KIAA1614: variants seen among roughly 807,000 people sequenced by gnomAD.
KIAA1614 encodes the protein uncharacterized protein KIAA1614.
In KIAA1614, 76 loss-of-function variants were observed where a neutral mutation model predicts 88.7. The observed-to-expected ratio is 0.86, with a 90% CI of 0.71 to 1.04. The LOEUF is 1.04. Among genes scored for constraint, KIAA1614 ranks in the 50% least tolerant of loss-of-function variants. The pLI, the probability that KIAA1614 is intolerant of heterozygous loss-of-function variation, is 0.00. For missense variants in KIAA1614, 1,553 were observed against 1,582.5 expected, an observed-to-expected ratio of 0.98 and a Z score of 0.32; for synonymous variants, 714 against 675.5, an observed-to-expected ratio of 1.06 and a Z score of -0.88.
At chr1:180,942,167 G>C (rs374404759) in intron 7 of KIAA1614, among the ~76,000 whole-genome samples, 1 of 152,046 alleles carries the variant, frequency 6.6e-6, no homozygotes, top group African/African-American at 2.4e-5. Context: ...CCTCACTGGA[G>C]TGTGAGTTAT....
At position 180,916,221 on chromosome 1, in the gene KIAA1614, C is replaced by G; in HGVS notation, c.118C>G (p.Pro40Ala). The change falls in exon 2 of 9, where the codon CCT (proline) becomes GCT (alanine). Residue 40 changes from proline (P) to alanine (A), a missense_variant. Pro to Ala is a conservative substitution (Grantham distance 27). Coordinates refer to ENST00000367588, the MANE Select transcript of KIAA1614 (RefSeq NM_020950.2). Reference protein sequence around the residue: ...EGTSAVEWSGPEPQLDNGHPP... With the variant: ...EGTSAVEWSGAEPQLDNGHPP... Reference sequence around the variant, plus strand: ...GACCTCAGCTGTGGAGTGGAGTGGTCCTGAGCCACAGCTGGATAACGGACA... The same window carrying G: ...GACCTCAGCTGTGGAGTGGAGTGGTGCTGAGCCACAGCTGGATAACGGACA... 1 of 1,612,876 alleles carries G rather than the reference C, an allele frequency of 6.2e-7. No homozygotes were observed. The highest frequency in any genetic ancestry group is 1.1e-5 in the South Asian group (1 of 90,994).
In KIAA1614 at chr1:180,941,293, C is replaced by T. The variant is rs752592612; in HGVS notation, c.3159+8C>T. The T allele has an allele frequency of 6.3e-7, 1 of 1,597,596 alleles. No individual in the cohort carries two copies. The highest frequency in any genetic ancestry group is 8.6e-7 in the Non-Finnish European group (1 of 1,168,718). On this transcript the variant is annotated splice_region_variant and intron_variant, in intron 7 of 8. Transcript: ENST00000367588. ...TTACAATCCCTGCACCCGGTGAGTC[C>T]AGGGGCCCCAGCCCAGGGAGTGAAG...
rs536695660 is a variant in KIAA1614, at chr1:180,950,204, C to A, written c.*4616C>A. ...TGAGGGGTGTGTGTATGTGTGCATGCGCACAGAGAAGTGCCTGGTATGAGC... is the reference window on the plus strand; with the variant it reads ...TGAGGGGTGTGTGTATGTGTGCATGAGCACAGAGAAGTGCCTGGTATGAGC... On this transcript the variant is annotated 3_prime_UTR_variant, in exon 9 of 9. Coordinates refer to ENST00000367588, the MANE Select transcript of KIAA1614 (RefSeq NM_020950.2). The A allele has an allele frequency of 1.9e-4, 70 of 375,340 alleles. 3 individuals are homozygous for A. Among genetic ancestry groups the A allele is most frequent in the South Asian group, 3.0e-5 (1 of 33,240 alleles). The allele number at this position is 375,340 out of a possible 1,614,324, so 23.3% of individuals were successfully genotyped here.
At chr1:180,916,098 T>C (rs1653787602) in intron 1 of KIAA1614, 56 bp from the exon 2 acceptor site, 1 of 1,386,728 alleles carries the variant, frequency 7.2e-7, no homozygotes. Flanking sequence ...CCCCGGGAGG[T>C]TGTGGGGGTT....
Position 180,916,472 on chromosome 1 carries a change from AG to A in KIAA1614, c.372del (p.Arg125GlufsTer125). The stretch of plus-strand genomic sequence containing the variant: ...AACCCCAATGCAGACGAGGCAAGGC[AG>A]GGAGAGCCGGGACTCCATCAGAGGG... ...KKPQCRRGKA[G>X]RAGTPSEGSF... On this transcript the variant is annotated frameshift_variant, in exon 2 of 9. Coordinates refer to ENST00000367588, the MANE Select transcript of KIAA1614 (RefSeq NM_020950.2). LOFTEE classifies it high-confidence loss of function. 2 of 1,614,150 alleles carry A rather than the reference AG, an allele frequency of 1.2e-6. No homozygotes were observed. Among genetic ancestry groups the A allele is most frequent in the South Asian group, 2.2e-5 (2 of 91,074 alleles).
chr1:180,917,364 G>A (rs1653842694), intron 2 of KIAA1614, among the ~76,000 whole-genome samples: 1 of 152,264 alleles, frequency 6.6e-6, no homozygotes, highest in Middle Eastern at 3.4e-3. Flanking sequence ...GGGGTTAGAG[G>A]CCACTATGAT....
In KIAA1614 at chr1:180,945,790, G is replaced by A. The variant is rs1357453387; in HGVS notation, c.*202G>A. 2.2e-6 allele frequency: 3 copies of A among 1,349,172 alleles called. No individual in the cohort carries two copies. In the East Asian group the frequency reaches 9.3e-5, roughly 42 times the overall value. The allele number at this position is 1,349,172 out of a possible 1,614,324, so 83.6% of individuals were successfully genotyped here. A position where few individuals can be genotyped will look rare whatever the true frequency, so the allele number is the denominator to read the frequency against. ...GCAGGTTTGACTCCACTGTCCCCCT[G>A]CTGTCTGATGACATCTTGAAATTAG... On this transcript the variant is annotated 3_prime_UTR_variant, in exon 9 of 9. Transcript: ENST00000367588.
intron 6 of KIAA1614, among the ~76,000 whole-genome samples, chr1:180,940,415 A>G (rs1376615523): frequency 6.6e-6 from 1 of 152,080 alleles, no homozygotes; most frequent in Non-Finnish European, 1.5e-5. Context: ...GTGGGAGACT[A>G]GCTTGAACCT....
In KIAA1614 at chr1:180,913,183, C is replaced by G. The variant is rs1653697117; in HGVS notation, c.-61C>G. 8.3e-7 allele frequency: 1 copy of G among 1,206,282 alleles called. No homozygotes were observed. The highest frequency in any genetic ancestry group is 4.2e-5 in the Admixed American group (1 of 23,574). The allele number at this position is 1,206,282 out of a possible 1,614,324, so 74.7% of individuals were successfully genotyped here. On this transcript the variant is annotated 5_prime_UTR_variant, in exon 1 of 9. Transcript: ENST00000367588. The stretch of plus-strand genomic sequence containing the variant: ...GGATTCGGGGCTGGAAGTCCCTCCC[C>G]GAACCCAGCAGCTGGCCTGGGAGGG...
chr1:180,944,663 G>T lies in KIAA1614; in HGVS notation c.3287+147G>T, dbSNP rs149403577. 5.0e-4 allele frequency: 427 copies of T among 861,062 alleles called. 1 individual carries two copies. Among genetic ancestry groups the T allele is most frequent in the Non-Finnish European group, 6.2e-4 (367 of 589,226 alleles). The allele number at this position is 861,062 out of a possible 1,614,324, so 53.3% of individuals were successfully genotyped here. On this transcript the variant is annotated intron_variant, in intron 8 of 8. Coordinates refer to ENST00000367588, the MANE Select transcript of KIAA1614 (RefSeq NM_020950.2). The stretch of plus-strand genomic sequence containing the variant: ...AGGACATGTGATGTGTGGAGACGAG[G>T]CTGCCACGGGAGTCTCAGCACCTCA...
In KIAA1614 at chr1:180,935,908, C is replaced by T; in HGVS notation, c.1999C>T (p.Leu667Phe). ...GTGGTCCAAGAAGGCTGAGGCGGAG[C>T]TCCCTTGGGGCCTTCAGGCCCAGCA... ...HRWSKKAEAE[L>F]PWGLQAQQHL... The change falls in exon 5 of 9, where the codon CTC (leucine) becomes TTC (phenylalanine). Residue 667 changes from leucine to phenylalanine, a missense_variant. Physicochemically the swap from Leu to Phe is conservative, Grantham distance 22. Transcript: ENST00000367588. This position sits in a 1 kb window ranked among gnomAD's most constrained non-coding sequence, Gnocchi z 6.1. The T allele has an allele frequency of 4.3e-6, 7 of 1,613,982 alleles. No individual in the cohort carries two copies. The highest frequency in any genetic ancestry group is 5.9e-6 in the Non-Finnish European group (7 of 1,179,924).
In KIAA1614 at chr1:180,948,717, A is replaced by G. The variant is rs1436996348; in HGVS notation, c.*3129A>G. 7 of 152,248 alleles carry G rather than the reference A, an allele frequency of 4.6e-5. No homozygotes were observed. The highest frequency in any genetic ancestry group is 4.6e-4 in the Admixed American group (7 of 15,290). 9.4% of individuals were successfully genotyped at this position (152,248 alleles called of 1,614,324 possible). On this transcript the variant is annotated 3_prime_UTR_variant, in exon 9 of 9. Transcript: ENST00000367588. ...TGAAAGGTCCATCTAGAGGAGGTAA[A>G]AGACAGGGCTGAGGGAAAACGCCTT...
Position 180,936,408 on chromosome 1 carries a change from G to A in KIAA1614, c.2499G>A (p.Leu833=), listed in dbSNP as rs774972049. The A allele has an allele frequency of 2.0e-5, 32 of 1,614,206 alleles. No homozygotes were observed. The highest frequency in any genetic ancestry group is 2.6e-5 in the Non-Finnish European group (31 of 1,180,034). Residue 833 remains leucine, a synonymous_variant, in exon 5 of 9, where the codon CTG becomes CTA. Transcript: ENST00000367588. ...CAGCCCTGGCTGGACTGCTCAGGCT[G>A]GGTGACCAGACAGAGCCTGTGGGTA... ...RKAALAGLLR[L]GDQTEPVGIP... is the part of the protein sequence containing the mutation.
intron 3 of KIAA1614, among the ~76,000 whole-genome samples, chr1:180,918,152 C>G (rs530225878): frequency 6.6e-6 from 1 of 152,274 alleles, no homozygotes; most frequent in South Asian, 2.1e-4. Context: ...GGGAACAAAG[C>G]GCATTGCTAA....
intron 6 of KIAA1614, 39 bp from the exon 7 acceptor site, chr1:180,941,006 G>GGGCGGC: frequency 1.1e-6 from 1 of 908,444 alleles, no homozygotes; most frequent in Non-Finnish European, 1.5e-6. Flanking sequence ...CACCCTCCCG[G>GGGCGGC]CCCTCCCCCG....
rs760414190 is a variant in KIAA1614, at chr1:180,936,604, G to A, written c.2695G>A (p.Glu899Lys). ...GGAGCCCTACGGGGGAGCCGTCCAC[G>A]AGGGTAGGGTGGAGAGGGGCCCCTG... ...LQEPYGGAVH[E>K]GRVERGPCSR... The change falls in exon 5 of 9, where the codon GAG (glutamate) becomes AAG (lysine). Residue 899 changes from glutamate to lysine, a missense_variant. Glu to Lys is a moderately conservative substitution (Grantham distance 56, BLOSUM62 1). Coordinates refer to ENST00000367588, the MANE Select transcript of KIAA1614 (RefSeq NM_020950.2). The A allele has an allele frequency of 4.4e-6, 7 of 1,608,720 alleles. No individual in the cohort carries two copies. Among genetic ancestry groups the A allele is most frequent in the Non-Finnish European group, 5.1e-6 (6 of 1,178,324 alleles).
In KIAA1614 at chr1:180,935,561, G is replaced by A. The variant is rs146608925; in HGVS notation, c.1652G>A (p.Gly551Glu). The A allele has an allele frequency of 3.9e-3, 6,199 of 1,601,184 alleles. 197 individuals carry two copies. The Admixed American group carries it at 0.067, about 17-fold the overall frequency. ...ATCGACGACCCGCGCCCCGCCCAGGGGAAGGCGCCCCCCGTCCCCAGGACC... is the reference window on the plus strand; with the variant it reads ...ATCGACGACCCGCGCCCCGCCCAGGAGAAGGCGCCCCCCGTCCCCAGGACC... ...SCIDDPRPAQGKAPPVPRTLQ... is the reference protein window; with the variant it reads ...SCIDDPRPAQEKAPPVPRTLQ... Residue 551 changes from glycine (G) to glutamate (E), a missense_variant, in exon 5 of 9, where the codon GGG (glycine) becomes GAG (glutamate). Coordinates refer to ENST00000367588, the MANE Select transcript of KIAA1614 (RefSeq NM_020950.2). This position sits in a 1 kb window ranked among gnomAD's most constrained non-coding sequence, Gnocchi z 6.1.
intron 5 of KIAA1614, among the ~76,000 whole-genome samples, chr1:180,937,156 T>TC (rs1338131806): frequency 6.6e-6 from 1 of 152,262 alleles, no homozygotes; most frequent in Non-Finnish European, 1.5e-5. Flanking sequence ...TTTCATTCAC[T>TC]CATTCATTCC....
In KIAA1614 at chr1:180,941,567, G is replaced by A. The variant is rs555126329; in HGVS notation, c.3159+282G>A. ...AGCTTTGCCACCTCAGCCAAGTCTCGGAGAGTTGACAGCCTGATGGTTCTG... is the reference window on the plus strand; with the variant it reads ...AGCTTTGCCACCTCAGCCAAGTCTCAGAGAGTTGACAGCCTGATGGTTCTG... On this transcript the variant is annotated intron_variant, in intron 7 of 8. Transcript: ENST00000367588. Among the ~76,000 whole-genome samples, 5 of 152,198 alleles carry A rather than the reference G, an allele frequency of 3.3e-5. No individual in the cohort carries two copies. In the East Asian group the frequency reaches 7.8e-4, roughly 24 times the overall value.
Sources: gnomAD v4.1 joint callset for allele counts (sites outside exome capture counted in the v4.1 genomes callset) on GRCh38, gnomAD v4.1.1 for gene constraint, Gnocchi (gnomAD v3.1) non-coding constraint, MANE v1.5 for transcripts, NCBI Gene and HGNC (gene_info 2026-07-23, HGNC 2026-07-21) for gene names.